Variants in HSD17B12 observed in about 807,000 individuals in gnomAD.
HSD17B12 encodes hydroxysteroid 17-beta dehydrogenase 12, also known as very-long-chain 3-oxoacyl-CoA reductase.
A neutral mutation model predicts 39.3 loss-of-function variants in HSD17B12; 32 were observed. The ratio of observed to expected loss-of-function variants is 0.81; its 90% CI spans 0.61 to 1.09. HSD17B12 has a LOEUF of 1.09. Ranked by LOEUF, HSD17B12 falls within the 50% of genes least tolerant of loss-of-function variation. The pLI is 0.00. For missense variants in HSD17B12, 342 were observed against 382.9 expected (o/e 0.89, Z 0.89); for synonymous variants, 150 against 146.7 (o/e 1.02, Z -0.16).
the HSD17B12 span, among the ~76,000 whole-genome samples, chr11:43,658,100 T>C: frequency 6.6e-6 from 1 of 152,218 alleles, no homozygotes; most frequent in African/African-American, 2.4e-5. Flanking sequence ...CGTTTCTTTT[T>C]ATTCTTTTTT....
the HSD17B12 span, among the ~76,000 whole-genome samples, chr11:43,640,055 G>A: frequency 6.6e-6 from 1 of 151,950 alleles, no homozygotes; most frequent in Non-Finnish European, 1.5e-5. Context: ...GAGTAAACAT[G>A]AAAACAAAAA....
chr11:43,733,243 G>C lies in HSD17B12; in HGVS notation c.161-17668G>C, dbSNP rs568515846. Among the ~76,000 whole-genome samples the C allele has an allele frequency of 9.9e-5, 15 of 152,284 alleles. 1 individual carries two copies. Among genetic ancestry groups the C allele is most frequent in the African/African-American group, 3.4e-4 (14 of 41,556 alleles). On this transcript the variant is annotated intron_variant, in intron 1 of 10. Transcript: ENST00000278353. ...TAAAGCAATATTGTATTGTATCGTT[G>C]GGTTTATGTTGTGGCGATCAGATTA...
chr11:43,832,037 T>C (rs1417196652), intron 7 of HSD17B12, among the ~76,000 whole-genome samples: 1 of 152,228 alleles, frequency 6.6e-6, no homozygotes, highest in African/African-American at 2.4e-5. Flanking sequence ...TCAGCAAAGC[T>C]CCTTGTAATC....
At chr11:43,821,198 T>A (rs1226536946) in intron 6 of HSD17B12, among the ~76,000 whole-genome samples, 2 of 152,224 alleles carry the variant, frequency 1.3e-5, no homozygotes, top group African/African-American at 4.8e-5. Context: ...TTGAGTTTAT[T>A]CCTTTCTTCC....
chr11:43,700,543 A>G (rs554873134), intron 1 of HSD17B12, among the ~76,000 whole-genome samples: 15 of 151,954 alleles, frequency 9.9e-5, no homozygotes, highest in African/African-American at 3.4e-4. Flanking sequence ...CCATGAGTTC[A>G]ATTGTTTTGA....
chr11:43,699,228 G>T (rs1368375694), intron 1 of HSD17B12, among the ~76,000 whole-genome samples: 1 of 152,090 alleles, frequency 6.6e-6, no homozygotes, highest in Non-Finnish European at 1.5e-5. Context: ...ATTATTATAA[G>T]TTCCTGTCAT....
chr11:43,767,858 G>T (rs541712580), intron 3 of HSD17B12, among the ~76,000 whole-genome samples: 1 of 152,128 alleles, frequency 6.6e-6, no homozygotes, highest in African/African-American at 2.4e-5. Flanking sequence ...AATCTAAGAC[G>T]CAATCATTCT....
chr11:43,593,750 G>GA, the HSD17B12 span, among the ~76,000 whole-genome samples: 567 of 149,620 alleles, frequency 3.8e-3, 9 homozygotes, highest in East Asian at 0.034. Flanking sequence ...GAGCAACAAA[G>GA]AAAAAAAATC....
chr11:43,795,918 G>A (rs952226804), intron 3 of HSD17B12, among the ~76,000 whole-genome samples: 3 of 152,110 alleles, frequency 2.0e-5, no homozygotes, highest in Non-Finnish European at 1.5e-5. Flanking sequence ...TGCTGGGGGG[G>A]ATGGTTGCAT....
chr11:43,795,301 T>C (rs1254287716), intron 3 of HSD17B12, among the ~76,000 whole-genome samples: 2 of 152,166 alleles, frequency 1.3e-5, no homozygotes, highest in African/African-American at 4.8e-5. Flanking sequence ...ACCATCGTTC[T>C]CAACTTTTCT....
At chr11:43,583,526 C>A in the HSD17B12 span, among the ~76,000 whole-genome samples, 2 of 152,164 alleles carry the variant, frequency 1.3e-5, 1 homozygote, top group South Asian at 4.1e-4. Context: ...AGACCCCTTC[C>A]CCCTTCCCTT....
chr11:43,637,324 G>A, the HSD17B12 span, among the ~76,000 whole-genome samples: 3 of 149,778 alleles, frequency 2.0e-5, no homozygotes, highest in African/African-American at 7.4e-5. Context: ...AGGTTCCAGC[G>A]ATTCTCCTGC....
At chr11:43,673,599 T>G in the HSD17B12 span, among the ~76,000 whole-genome samples, 1 of 150,146 alleles carries the variant, frequency 6.7e-6, no homozygotes, top group Admixed American at 6.7e-5. Context: ...CTCAAGCAAT[T>G]ATCCTGCCTA....
At chr11:43,703,476 G>T (rs1000313643) in intron 1 of HSD17B12, among the ~76,000 whole-genome samples, 1 of 152,182 alleles carries the variant, frequency 6.6e-6, no homozygotes, top group East Asian at 1.9e-4. Context: ...TTACAGGTGT[G>T]AGCCACCGCG....
chr11:43,783,130 A>G (rs61883809), intron 3 of HSD17B12, among the ~76,000 whole-genome samples: 7,364 of 152,314 alleles, frequency 0.048, 201 homozygotes, highest in Non-Finnish European at 0.054. Flanking sequence ...GCTAACCAGA[A>G]TGGTAGCTAA....
At chr11:43,789,506 C>T (rs761070289) in intron 3 of HSD17B12, among the ~76,000 whole-genome samples, 1 of 152,128 alleles carries the variant, frequency 6.6e-6, no homozygotes, top group Admixed American at 6.5e-5. Context: ...TTGCCATGCT[C>T]CTGAATAAAT....
the HSD17B12 span, among the ~76,000 whole-genome samples, chr11:43,631,740 TGCTGTGGTC>T: frequency 6.6e-6 from 1 of 152,178 alleles, no homozygotes; most frequent in Non-Finnish European, 1.5e-5. Context: ...AACTCTTAGC[TGCTGTGGTC>T]TAAACGTATC....
At chr11:43,607,869 T>C in the HSD17B12 span, among the ~76,000 whole-genome samples, 1 of 152,140 alleles carries the variant, frequency 6.6e-6, no homozygotes, top group African/African-American at 2.4e-5. Context: ...AGATAGTAGA[T>C]AGAAAGGCTA....
the HSD17B12 span, among the ~76,000 whole-genome samples, chr11:43,621,138 G>A: frequency 3.9e-5 from 6 of 152,230 alleles, no homozygotes; most frequent in Non-Finnish European, 5.9e-5. Context: ...GGGCCAACCA[G>A]ATGGAGTCTC....
Sources: gnomAD v4.1 joint callset for allele counts (sites outside exome capture counted in the v4.1 genomes callset) on GRCh38, gnomAD v4.1.1 for gene constraint, MANE v1.5 for transcripts, NCBI Gene and HGNC (gene_info 2026-07-23, HGNC 2026-07-21) for gene names.